GPATCH1: variants seen among roughly 807,000 people sequenced by gnomAD.
GPATCH1 encodes G patch domain-containing protein 1.
Under a neutral mutation model 114.9 loss-of-function variants are expected in GPATCH1, and 73 were observed. The observed-to-expected ratio is 0.64, with a 90% CI of 0.53 to 0.77. The LOEUF is 0.77. GPATCH1 is among the 30% of genes least tolerant of loss of function. The pLI is 0.00. For synonymous variants in GPATCH1, 391 were observed against 428.4 expected (o/e 0.91, Z 1.08); for missense variants, 1,058 against 1,144.3 (o/e 0.92, Z 1.09).
intron 8 of GPATCH1, among the ~76,000 whole-genome samples, chr19:33,099,447 C>T (rs1462801633): frequency 6.6e-6 from 1 of 152,032 alleles, no homozygotes; most frequent in Admixed American, 6.6e-5. Context: ...AGCTCCGAGC[C>T]TGTCCTTGTC....
At chr19:33,120,855 T>A (rs1165318660) in intron 17 of GPATCH1, among the ~76,000 whole-genome samples, 2 of 151,768 alleles carry the variant, frequency 1.3e-5, no homozygotes, top group Non-Finnish European at 2.9e-5. Flanking sequence ...CCGGACGTGG[T>A]GGCATGTGCC....
At chr19:33,112,366 A>T in intron 12 of GPATCH1, 120 bp from the exon 13 acceptor site, 3 of 1,102,254 alleles carry the variant, frequency 2.7e-6, no homozygotes, top group Non-Finnish European at 4.0e-6. Flanking sequence ...ACTGGAGCAT[A>T]AATGTTATAG....
chr19:33,098,013 G>T (rs547683251), intron 8 of GPATCH1, 111 bp downstream of exon 8: 1 of 1,032,666 alleles, frequency 9.7e-7, no homozygotes, highest in South Asian at 1.5e-5. Flanking sequence ...TCAAAGTCAC[G>T]GTAAGAAACA....
rs760368846 is a variant in GPATCH1 at position 33,114,293 on chromosome 19, A to C, written c.2070A>C (p.Glu690Asp). 1.2e-6 allele frequency: 2 copies of C among 1,613,230 alleles called. No homozygotes were observed. Among genetic ancestry groups the C allele is most frequent in the Non-Finnish European group, 1.7e-6 (2 of 1,179,680 alleles). Residue 690 changes from glutamate (E) to aspartate (D), a missense_variant, in exon 15 of 20, where the codon GAA (glutamate) becomes GAC (aspartate). Glu to Asp is a conservative substitution (Grantham distance 45). Coordinates refer to ENST00000170564, the MANE Select transcript of GPATCH1 (RefSeq NM_018025.3). The part of the protein sequence containing the change: ...KPSRWDTSKH[E>D]KKEDSISEFL... ...CCAGATGGGATACCTCTAAACACGA[A>C]AAGAAAGAAGATTCCATTAGTGAAT... is the stretch of plus-strand genomic sequence containing the variant.
At position 33,096,331 on chromosome 19, in the gene GPATCH1, C is replaced by A. The variant is rs1384947236; in HGVS notation, c.737C>A (p.Ala246Glu). ...LAYKGLDPHQ[A>E]LFGTSGEHFN... ...TACAAGGGCCTGGATCCCCACCAGG[C>A]ACTGTTTGGAACTTCGGGAGAACAT... The change falls in exon 7 of 20, where the codon GCA becomes GAA. Residue 246 changes from alanine to glutamate, a missense_variant. Physicochemically the swap from Ala to Glu is moderately radical, Grantham distance 107. Around this residue, in one of 3 missense-constraint regions of GPATCH1, gnomAD observed 893 missense variants for 977.4 expected, o/e 0.91. Coordinates refer to ENST00000170564, the MANE Select transcript of GPATCH1 (RefSeq NM_018025.3). 1 of 1,614,114 alleles carries A rather than the reference C, an allele frequency of 6.2e-7. No homozygotes were observed.
chr19:33,123,244 T>C (rs952065976), intron 17 of GPATCH1, among the ~76,000 whole-genome samples: 5 of 151,082 alleles, frequency 3.3e-5, no homozygotes, highest in Non-Finnish European at 5.9e-5. Context: ...CTACTAAAAA[T>C]ACAAAATTAG....
chr19:33,105,680 C>T (rs2145321057), intron 9 of GPATCH1, among the ~76,000 whole-genome samples: 1 of 151,534 alleles, frequency 6.6e-6, no homozygotes, highest in African/African-American at 2.4e-5. Flanking sequence ...TCCACCACCA[C>T]ACCTGGCTAA....
At chr19:33,092,593 C>T (rs1239545316) in intron 3 of GPATCH1, among the ~76,000 whole-genome samples, 6 of 152,162 alleles carry the variant, frequency 3.9e-5, no homozygotes, top group Non-Finnish European at 5.9e-5. Context: ...GCCTAGACAA[C>T]GTCAGGACTC....
intron 2 of GPATCH1, among the ~76,000 whole-genome samples, chr19:33,088,658 C>CCT (rs1972561158): frequency 1.0e-5 from 1 of 96,212 alleles, no homozygotes; most frequent in South Asian, 3.3e-4. Flanking sequence ...GCCACCTTTG[C>CCT]TTTTTTTTTT....
At chr19:33,111,517 G>A (rs942587746) in intron 11 of GPATCH1, among the ~76,000 whole-genome samples, 3 of 151,690 alleles carry the variant, frequency 2.0e-5, no homozygotes, top group South Asian at 2.1e-4. Context: ...GAACAACTGC[G>A]CCTGGCCTAA....
intron 1 of GPATCH1, among the ~76,000 whole-genome samples, chr19:33,084,617 G>C (rs561336388): frequency 6.7e-6 from 1 of 149,484 alleles, no homozygotes; most frequent in Non-Finnish European, 1.5e-5. Flanking sequence ...TTGGCCTCCC[G>C]TTAGACTGGA....
intron 8 of GPATCH1, among the ~76,000 whole-genome samples, chr19:33,099,623 G>C (rs1169574226): frequency 6.6e-6 from 1 of 151,320 alleles, no homozygotes; most frequent in East Asian, 1.9e-4. Context: ...TTTTGAGACA[G>C]AGTCTCACTC....
intron 15 of GPATCH1, among the ~76,000 whole-genome samples, chr19:33,115,874 T>A (rs1972911511): frequency 6.6e-6 from 1 of 152,244 alleles, no homozygotes; most frequent in East Asian, 1.9e-4. Context: ...ACATTTGCAT[T>A]TAATGTGATC....
intron 1 of GPATCH1, among the ~76,000 whole-genome samples, chr19:33,082,663 G>C (rs917176821): frequency 1.3e-5 from 2 of 152,162 alleles, no homozygotes; most frequent in African/African-American, 4.8e-5. Context: ...GGGCATTGTA[G>C]TGAGACTCTG....
intron 3 of GPATCH1, among the ~76,000 whole-genome samples, chr19:33,092,529 C>G (rs79062941): frequency 0.033 from 4,970 of 152,250 alleles, 271 homozygotes; most frequent in African/African-American, 0.11. Flanking sequence ...TCCTGCCTCC[C>G]CAACACTGGG....
At chr19:33,118,225 T>G (rs985468852) in intron 16 of GPATCH1, among the ~76,000 whole-genome samples, 184 bp downstream of exon 16, 1 of 139,528 alleles carries the variant, frequency 7.2e-6, no homozygotes, top group African/African-American at 2.8e-5. Context: ...GTCCCCAGGG[T>G]GGAGTACAGT....
intron 1 of GPATCH1, among the ~76,000 whole-genome samples, chr19:33,085,006 GGCTCTGTGTCC>G (rs145058130): frequency 0.02 from 3,022 of 152,208 alleles, 84 homozygotes; most frequent in African/African-American, 0.069. Context: ...GGGAGTCAGT[GGCTCTGTGTCC>G]CTATCTGCAG....
chr19:33,094,972 TG>T, intron 5 of GPATCH1, among the ~76,000 whole-genome samples: 1 of 152,244 alleles, frequency 6.6e-6, no homozygotes, highest in South Asian at 2.1e-4. Context: ...GAGACCAGCC[TG>T]GGCAACACGG....
chr19:33,125,559 T>A (rs2145342265), intron 18 of GPATCH1, among the ~76,000 whole-genome samples: 1 of 152,108 alleles, frequency 6.6e-6, no homozygotes, highest in South Asian at 2.1e-4. Context: ...TAATTTTTTG[T>A]ATTTTTAGTA....
Sources: allele counts gnomAD v4.1 joint callset (sites outside exome capture counted in the v4.1 genomes callset), GRCh38; gene constraint gnomAD v4.1.1; regional missense constraint gnomAD v4.1.1; transcripts MANE v1.5; gene names NCBI Gene and HGNC (gene_info 2026-07-23, HGNC 2026-07-21).